ANKRD36: variants seen among roughly 807,000 people sequenced by gnomAD.
The protein encoded by ANKRD36 is ankyrin repeat domain 36, also known as ankyrin repeat domain-containing protein 36A.
ANKRD36 carries 179 observed loss-of-function variants against 278.1 expected under a neutral mutation model. The ratio of observed to expected loss-of-function variants is 0.64; its 90% CI spans 0.57 to 0.73. The LOEUF (loss-of-function observed/expected upper bound fraction) is 0.73, where lower values mean the gene tolerates loss of function less well. Ranked by LOEUF, ANKRD36 falls within the 30% of genes least tolerant of loss-of-function variation. The pLI is 0.00. For missense variants in ANKRD36, 1,159 were observed against 1,956.7 expected (o/e 0.59, Z 7.69); for synonymous variants, 320 against 641.1 (o/e 0.50, Z 7.57).
chr2:97,209,086 A>T (rs932557404), intron 54 of ANKRD36, among the ~76,000 whole-genome samples: 3 of 146,590 alleles, frequency 2.0e-5, no homozygotes, highest in African/African-American at 8.0e-5. Flanking sequence ...TAGGCAAATT[A>T]TTACACTACA....
At chr2:97,115,072 T>C (rs1238822781) in intron 1 of ANKRD36, among the ~76,000 whole-genome samples, 2 of 152,196 alleles carry the variant, frequency 1.3e-5, no homozygotes, top group African/African-American at 2.4e-5. Context: ...ATTTATTAGG[T>C]TGGTGCAAAA....
chr2:97,114,235 T>G (rs1574441865), intron 1 of ANKRD36, among the ~76,000 whole-genome samples: 1 of 98,480 alleles, frequency 1.0e-5, no homozygotes, highest in Non-Finnish European at 2.0e-5. Context: ...GCGTGGACGG[T>G]GTGGGGTGGG....
Position 97,118,094 on chromosome 2 carries a change from C to T in ANKRD36, c.228C>T (p.Gly76=), listed in dbSNP as rs200765455. The T allele has an allele frequency of 0.085, 131,749 of 1,556,346 alleles. 6,644 individuals are homozygous for T. Among genetic ancestry groups the T allele is most frequent in the Middle Eastern group, 0.15 (896 of 5,992 alleles). Residue 76 remains glycine, a synonymous_variant, in exon 2 of 76, where the codon GGC becomes GGT. Coordinates refer to ENST00000420699, the MANE Select transcript of ANKRD36 (RefSeq NM_001354587.1). The part of the protein sequence containing the change: ...RTALHLACAT[G]QPEMVHLLVS... ...CCCTACATTTGGCCTGTGCCACTGG[C>T]CAACCGGAAATGGTACATCTCCTGG...
At position 97,190,856 on chromosome 2, in the gene ANKRD36, G is replaced by T. The variant is rs977836292; in HGVS notation, c.2246-122G>T. 4 of 1,415,014 alleles carry T rather than the reference G, an allele frequency of 2.8e-6. No homozygotes were observed. In the African/African-American group the frequency reaches 5.8e-5, roughly 20 times the overall value. The allele number at this position is 1,415,014 out of a possible 1,614,324, so 87.7% of individuals were successfully genotyped here. A position where few individuals can be genotyped will look rare whatever the true frequency, so the allele number is the denominator to read the frequency against. On this transcript the variant is annotated intron_variant, in intron 34 of 75. Coordinates refer to ENST00000420699, the MANE Select transcript of ANKRD36 (RefSeq NM_001354587.1). ...TCCAGTCCCAAGAGACAAAGTAGAA[G>T]ACATCAGAGCCTACACTAGTACAGG...
chr2:97,158,754 G>C (rs374702124), intron 17 of ANKRD36, 99 bp downstream of exon 17: 3 of 1,190,138 alleles, frequency 2.5e-6, no homozygotes, highest in Non-Finnish European at 3.4e-6. Context: ...GTTTTACAAT[G>C]GTAAATTGTT....
intron 55 of ANKRD36, 26 bp from the exon 56 acceptor site, chr2:97,209,771 CTTA>C: frequency 1.4e-6 from 2 of 1,479,148 alleles, no homozygotes; most frequent in Middle Eastern, 2.4e-4. Flanking sequence ...AGATACCTTA[CTTA>C]TTATTTCATT....
chr2:97,209,954 T>C, intron 56 of ANKRD36, 82 bp downstream of exon 56: 1 of 1,497,278 alleles, frequency 6.7e-7, no homozygotes, highest in Non-Finnish European at 8.9e-7. Context: ...AGCGGAGGGC[T>C]CGTTGAAGCT....
At chr2:97,137,596 C>T (rs7421074) in intron 6 of ANKRD36, among the ~76,000 whole-genome samples, 4 of 32,326 alleles carry the variant, frequency 1.2e-4, no homozygotes, top group Non-Finnish European at 1.2e-3. Context: ...TATATATACA[C>T]ACACACACAC....
Position 97,158,099 on chromosome 2 carries a change from T to C in ANKRD36, c.1261-8T>C, listed in dbSNP as rs1273166798. The C allele has an allele frequency of 3.2e-5, 47 of 1,480,646 alleles. No individual in the cohort carries two copies. In the Admixed American group the frequency reaches 9.3e-4, roughly 29 times the overall value. The allele number at this position is 1,480,646 out of a possible 1,614,324, so 91.7% of individuals were successfully genotyped here. On this transcript the variant is annotated splice_region_variant and splice_polypyrimidine_tract_variant and intron_variant, in intron 15 of 75. Transcript: ENST00000420699. ...GCATGTTATTCTTAAACCTATTGTG[T>C]CTTCTAGAATATTTCAGAACCATAC...
chr2:97,188,498 C>G (rs1032505197), intron 32 of ANKRD36, among the ~76,000 whole-genome samples: 2 of 151,470 alleles, frequency 1.3e-5, no homozygotes, highest in Admixed American at 6.6e-5. Context: ...AATTATTACA[C>G]CACATGGGGG....
intron 56 of ANKRD36, among the ~76,000 whole-genome samples, chr2:97,210,123 G>C (rs2064008766): frequency 1.3e-5 from 2 of 151,838 alleles, no homozygotes; most frequent in Admixed American, 1.3e-4. Context: ...CAAGACATAA[G>C]GGGCTCTGGG....
At chr2:97,191,511 A>G (rs999845824) in intron 36 of ANKRD36, among the ~76,000 whole-genome samples, 30 of 151,728 alleles carry the variant, frequency 2.0e-4, no homozygotes, top group Non-Finnish European at 3.4e-4. Flanking sequence ...GAGAGGAAGT[A>G]TAGATTTTAC....
intron 56 of ANKRD36, 49 bp from the exon 57 acceptor site, chr2:97,211,497 C>A (rs758010846): frequency 1.3e-6 from 2 of 1,592,602 alleles, no homozygotes; most frequent in Non-Finnish European, 1.7e-6. Context: ...GTATGGATAA[C>A]TTTATCATAT....
intron 67 of ANKRD36, among the ~76,000 whole-genome samples, chr2:97,231,563 A>T (rs1306613318): frequency 6.6e-6 from 1 of 152,098 alleles, no homozygotes; most frequent in African/African-American, 2.4e-5. Context: ...TAGGAAAGGG[A>T]ACTCCCTGAC....
At chr2:97,177,646 C>G (rs532723000) in intron 22 of ANKRD36, among the ~76,000 whole-genome samples, 2 of 152,078 alleles carry the variant, frequency 1.3e-5, no homozygotes, top group East Asian at 3.9e-4. Context: ...GAAACTGTAT[C>G]CCTTCCTTAC....
In ANKRD36 at chr2:97,148,458, A is replaced by T. The variant is rs1387006138; in HGVS notation, c.1035-837A>T. Among the ~76,000 whole-genome samples, 4 of 152,142 alleles carry T rather than the reference A, an allele frequency of 2.6e-5. No individual in the cohort carries two copies. The Admixed American group carries it at 2.6e-4, about 10-fold the overall frequency. The stretch of plus-strand genomic sequence containing the variant: ...GGAGCCCATAGGAAGGAAGATATTT[A>T]GATAGGGATGAATGAAATGGAGCTA... On this transcript the variant is annotated intron_variant, in intron 11 of 75. Transcript: ENST00000420699.
Position 97,130,289 on chromosome 2 carries a change from C to G in ANKRD36, c.799+3155C>G, listed in dbSNP as rs555095920. Among the ~76,000 whole-genome samples the G allele has an allele frequency of 1.3e-5, 2 of 151,878 alleles. 1 individual carries two copies. Among genetic ancestry groups the G allele is most frequent in the African/African-American group, 4.8e-5 (2 of 41,372 alleles). Reference sequence around the variant, plus strand: ...CCATAAGAAATGATGAGTTCCTGTCCTTTGTAGGGACATGGATGAAGCTGG... The same window carrying G: ...CCATAAGAAATGATGAGTTCCTGTCGTTTGTAGGGACATGGATGAAGCTGG... On this transcript the variant is annotated intron_variant, in intron 6 of 75. Coordinates refer to ENST00000420699, the MANE Select transcript of ANKRD36 (RefSeq NM_001354587.1).
At chr2:97,146,779 A>G (rs558395879) in intron 11 of ANKRD36, among the ~76,000 whole-genome samples, 6 of 151,874 alleles carry the variant, frequency 4.0e-5, no homozygotes, top group Admixed American at 6.6e-5. Context: ...TGATTTGACC[A>G]TCATCCTGCC....
At chr2:97,260,684 G>C (rs1260037334) in intron 75 of ANKRD36, among the ~76,000 whole-genome samples, 5 of 112,674 alleles carry the variant, frequency 4.4e-5, no homozygotes, top group Non-Finnish European at 6.7e-5. Context: ...TAGAAGCCAG[G>C]CATTGACTTC....
Sources: gnomAD v4.1 joint callset for allele counts (sites outside exome capture counted in the v4.1 genomes callset) on GRCh38, gnomAD v4.1.1 for gene constraint, MANE v1.5 for transcripts, NCBI Gene and HGNC (gene_info 2026-07-23, HGNC 2026-07-21) for gene names.